CDH18: variants seen among roughly 807,000 people sequenced by gnomAD.
CDH18 encodes the protein cadherin-18.
Under a neutral mutation model 67.9 loss-of-function variants are expected in CDH18, and 31 were observed. The ratio of observed to expected loss-of-function variants is 0.46; its 90% CI spans 0.34 to 0.62. The LOEUF (loss-of-function observed/expected upper bound fraction) is 0.62. Ranked by LOEUF, CDH18 falls within the 20% of genes least tolerant of loss-of-function variation. The pLI is 0.01. For synonymous variants in CDH18, 362 were observed against 347.2 expected (o/e 1.04, Z -0.48); for missense variants, 890 against 975.5 (o/e 0.91, Z 1.17).
At chr5:20,212,236 G>C (rs1226337876) in intron 2 of CDH18, among the ~76,000 whole-genome samples, 2 of 152,046 alleles carry the variant, frequency 1.3e-5, no homozygotes, top group African/African-American at 4.8e-5. Context: ...AGAGAAAAAA[G>C]AGTAAAAATA....
chr5:19,984,970 T>C (rs1799412988), intron 1 of CDH18, among the ~76,000 whole-genome samples: 1 of 152,110 alleles, frequency 6.6e-6, no homozygotes, highest in Non-Finnish European at 1.5e-5. Flanking sequence ...CCCACACATA[T>C]ACAAACTCCC....
intron 3 of CDH18, among the ~76,000 whole-genome samples, chr5:19,806,279 A>G (rs1778022727): frequency 6.6e-6 from 1 of 152,178 alleles, no homozygotes; most frequent in Non-Finnish European, 1.5e-5. Flanking sequence ...CTGCTGTTGC[A>G]CTATCAGCAC....
Position 19,839,145 on chromosome 5 carries a change from C to A in CDH18, c.-159G>T. The A allele has an allele frequency of 1.7e-6, 1 of 603,598 alleles. No individual in the cohort carries two copies. 37.4% of individuals were successfully genotyped at this position (603,598 alleles called of 1,614,324 possible). A position where few individuals can be genotyped will look rare whatever the true frequency, so the allele number is the denominator to read the frequency against. On this transcript the variant is annotated 5_prime_UTR_variant, in exon 3 of 13. An upstream open reading frame in the 5' UTR loses its in-frame stop. Transcript: ENST00000382275. ...ATTTAACTGTCCATCAGGGAAAGGT[C>A]AGATCATATTTACATTCTGAACCAC...
At chr5:19,877,243 G>T in intron 2 of CDH18, among the ~76,000 whole-genome samples, 1 of 151,912 alleles carries the variant, frequency 6.6e-6, no homozygotes, top group Admixed American at 6.6e-5. Context: ...ATTAAATGTC[G>T]TAAAAAGTGG....
chr5:20,077,347 T>C (rs1469918051), intron 2 of CDH18, among the ~76,000 whole-genome samples: 1 of 152,230 alleles, frequency 6.6e-6, no homozygotes, highest in African/African-American at 2.4e-5. Flanking sequence ...TTATGTAGTG[T>C]TGACCAGACA....
At chr5:20,453,019 C>T (rs1171975344) in intron 1 of CDH18, among the ~76,000 whole-genome samples, 1 of 152,114 alleles carries the variant, frequency 6.6e-6, no homozygotes, top group Admixed American at 6.6e-5. Flanking sequence ...CTCCATTACC[C>T]CTAAATCAGC....
At chr5:20,466,268 T>C (rs1426180407) in intron 1 of CDH18, among the ~76,000 whole-genome samples, 1 of 152,082 alleles carries the variant, frequency 6.6e-6, no homozygotes, top group Non-Finnish European at 1.5e-5. Context: ...AAGGAAATTA[T>C]TTCCTTGTAA....
chr5:20,251,788 T>C (rs183039846), intron 2 of CDH18, among the ~76,000 whole-genome samples: 50 of 152,346 alleles, frequency 3.3e-4, no homozygotes, highest in African/African-American at 1.1e-3. Flanking sequence ...TTCAAATTAA[T>C]GTTCAAAAAT....
At chr5:20,449,767 T>C (rs1037141608) in intron 1 of CDH18, among the ~76,000 whole-genome samples, 6 of 151,932 alleles carry the variant, frequency 3.9e-5, no homozygotes, top group African/African-American at 1.4e-4. Flanking sequence ...AAAGTACTCC[T>C]GTAAAGTCTA....
At chr5:20,463,622 A>G (rs557559421) in intron 1 of CDH18, among the ~76,000 whole-genome samples, 1 of 152,236 alleles carries the variant, frequency 6.6e-6, no homozygotes, top group East Asian at 1.9e-4. Flanking sequence ...GGAAACCATC[A>G]CCATGATTCA....
intron 3 of CDH18, among the ~76,000 whole-genome samples, chr5:19,825,361 G>A (rs1364770456): frequency 6.6e-6 from 1 of 151,980 alleles, no homozygotes; most frequent in Non-Finnish European, 1.5e-5. Flanking sequence ...CAGCAGGAGG[G>A]GTAATTCTAC....
At chr5:20,161,058 A>T (rs1735854921) in intron 2 of CDH18, among the ~76,000 whole-genome samples, 3 of 152,226 alleles carry the variant, frequency 2.0e-5, no homozygotes, top group Admixed American at 2.0e-4. Context: ...AGTGTTTGGA[A>T]AAGAGATCTT....
At position 19,721,327 on chromosome 5, in the gene CDH18, T is replaced by G. The variant is rs1766061512; in HGVS notation, c.643+20A>C. ...ACTGTAGCAAACGCTTGCATGCGAG[T>G]TATGTGTAAATGCACTAACCTGTTT... On this transcript the variant is annotated intron_variant, in intron 5 of 12. Transcript: ENST00000382275. The G allele has an allele frequency of 6.4e-7, 1 of 1,559,842 alleles. No homozygotes were observed. Among genetic ancestry groups the G allele is most frequent in the Admixed American group, 1.7e-5 (1 of 57,436 alleles).
Position 20,418,684 on chromosome 5 carries a change from A to T in CDH18, c.-580+156778T>A, listed in dbSNP as rs567686962. Among the ~76,000 whole-genome samples, 45 of 152,238 alleles carry T rather than the reference A, an allele frequency of 3.0e-4. 1 individual carries two copies. The highest frequency in any genetic ancestry group is 1.1e-3 in the African/African-American group (44 of 41,554). On this transcript the variant is annotated intron_variant, in intron 1 of 14. Coordinates refer to the CDH18 transcript ENST00000507958. The stretch of plus-strand genomic sequence containing the variant: ...TTTTTTTGTACAATTAATAATGATT[A>T]ATTGTAAGACAACTTAAGTTTAACT...
chr5:20,157,659 T>C (rs1351775602), intron 2 of CDH18, among the ~76,000 whole-genome samples: 2 of 151,566 alleles, frequency 1.3e-5, no homozygotes, highest in Admixed American at 1.3e-4. Flanking sequence ...TTTTTTTTTT[T>C]CAAGACAGAA....
chr5:20,243,458 T>A (rs1305473158), intron 2 of CDH18, among the ~76,000 whole-genome samples: 1 of 152,278 alleles, frequency 6.6e-6, no homozygotes, highest in South Asian at 2.1e-4. Context: ...GAAATTTATA[T>A]CTAAATAAAT....
intron 2 of CDH18, among the ~76,000 whole-genome samples, chr5:20,152,883 T>C (rs1445891161): frequency 6.6e-6 from 1 of 152,020 alleles, no homozygotes; most frequent in Non-Finnish European, 1.5e-5. Flanking sequence ...ATCCATTGCT[T>C]AGTTCTGCAG....
chr5:20,236,126 G>T (rs1199172855), intron 2 of CDH18, among the ~76,000 whole-genome samples: 1 of 152,016 alleles, frequency 6.6e-6, no homozygotes. Context: ...TGGGTACTAT[G>T]CTGACTACCT....
Position 19,743,899 on chromosome 5 carries a change from C to T in CDH18, c.523+3043G>A, listed in dbSNP as rs986139528. On this transcript the variant is annotated intron_variant, in intron 4 of 12. Coordinates refer to ENST00000382275, the MANE Select transcript of CDH18 (RefSeq NM_004934.5). ...TCATGCCACTGCACTCCAGCCTGGGCGGCAGAGTGAGACTCTTGTCTCAAA... is the reference window on the plus strand; with the variant it reads ...TCATGCCACTGCACTCCAGCCTGGGTGGCAGAGTGAGACTCTTGTCTCAAA... Among the ~76,000 whole-genome samples, 42 of 124,334 alleles carry T rather than the reference C, an allele frequency of 3.4e-4. 1 individual carries two copies. The highest frequency in any genetic ancestry group is 2.5e-3 in the Admixed American group (25 of 10,164). 81.6% of individuals were successfully genotyped at this position (124,334 alleles called of 152,430 possible).
Sources: gnomAD v4.1 joint callset for allele counts (sites outside exome capture counted in the v4.1 genomes callset) on GRCh38, gnomAD v4.1.1 for gene constraint, MANE v1.5 for transcripts, NCBI Gene and HGNC (gene_info 2026-07-23, HGNC 2026-07-21) for gene names.